MGP: variants seen among roughly 807,000 people sequenced by gnomAD.
MGP encodes the protein cell growth-inhibiting gene 36 protein.
A neutral mutation model predicts 14.5 loss-of-function variants in MGP; 13 were observed. That is an observed-to-expected ratio of 0.89 (90% CI 0.58 to 1.42). MGP has a LOEUF of 1.42. Among genes scored for constraint, MGP ranks in the 40% most tolerant of loss-of-function variants. The probability of loss-of-function intolerance (pLI) is 0.00; values close to 1 mark genes in which losing one functional copy is unlikely to be tolerated. For missense variants in MGP, 128 were observed against 133.7 expected, an observed-to-expected ratio of 0.96 and a Z score of 0.21; for synonymous variants, 44 against 46.3, an observed-to-expected ratio of 0.95 and a Z score of 0.20.
intron 1 of MGP, chr12:14,884,953 C>T (rs1863423368): frequency 4.2e-6 from 6 of 1,413,574 alleles, no homozygotes; most frequent in South Asian, 1.3e-5. Flanking sequence ...AGTGAATTTT[C>T]TTCAAAACTT....
intron 1 of MGP, chr12:14,884,696 G>A (rs891817218): frequency 1.3e-5 from 10 of 754,662 alleles, no homozygotes; most frequent in Non-Finnish European, 2.1e-5. Context: ...GAGAACTACA[G>A]GGCAGTTGCT....
chr12:14,883,089 A>G (rs2120433335), intron 2 of MGP, 42 bp from the exon 3 acceptor site: 25 of 1,385,230 alleles, frequency 1.8e-5, no homozygotes, highest in Non-Finnish European at 2.5e-5. Flanking sequence ...AGCGACACAT[A>G]GCTGGAAATA....
chr12:14,882,914 C>A, intron 3 of MGP, 58 bp downstream of exon 3: 2 of 1,132,194 alleles, frequency 1.8e-6, no homozygotes, highest in East Asian at 2.4e-5. Flanking sequence ...CACTCCAATT[C>A]AGATCTGTGA....
At chr12:14,884,314 A>C (rs1227579199) in intron 1 of MGP, 69 bp from the exon 2 acceptor site, 1 of 1,058,932 alleles carries the variant, frequency 9.4e-7, no homozygotes, top group East Asian at 2.7e-5. Context: ...TTATTTATCA[A>C]TTTAGACACT....
intron 1 of MGP, 29 bp from the exon 2 acceptor site, chr12:14,884,274 A>G (rs1863415102): frequency 4.0e-6 from 5 of 1,263,766 alleles, no homozygotes; most frequent in Admixed American, 2.0e-5. Flanking sequence ...GATTCATTAT[A>G]TCAATATTTA....
rs753872743 is a variant in MGP at position 14,883,997 on chromosome 12, G to A, written c.94+216C>T. On this transcript the variant is annotated intron_variant, in intron 2 of 3. Transcript: ENST00000539261. ...AGATTTTATGGCTTCTAAATATGTC[G>A]CCTGTAGCTTAAATCCCATATTGCA... The A allele has an allele frequency of 4.4e-4, 168 of 381,770 alleles. 2 individuals carry two copies. Among genetic ancestry groups the A allele is most frequent in the Middle Eastern group, 7.6e-4 (1 of 1,312 alleles). The allele number at this position is 381,770 out of a possible 1,614,324, so 23.6% of individuals were successfully genotyped here. A position where few individuals can be genotyped will look rare whatever the true frequency, so the allele number is the denominator to read the frequency against.
At chr12:14,884,352 A>T (rs995647243) in intron 1 of MGP, 107 bp from the exon 2 acceptor site, 36 of 731,070 alleles carry the variant, frequency 4.9e-5, no homozygotes, top group Non-Finnish European at 7.3e-5. Context: ...GGGATGGAAG[A>T]AGAGGAAAGA....
At chr12:14,884,401 T>C (rs1434066584) in intron 1 of MGP, among the ~76,000 whole-genome samples, 156 bp from the exon 2 acceptor site, 1 of 152,170 alleles carries the variant, frequency 6.6e-6, no homozygotes, top group Non-Finnish European at 1.5e-5. Flanking sequence ...AGTGTGGTTA[T>C]TAGAAATTTC....
chr12:14,882,946 A>C, intron 3 of MGP, 26 bp downstream of exon 3: 2 of 1,516,006 alleles, frequency 1.3e-6, no homozygotes, highest in Non-Finnish European at 1.8e-6. Context: ...AAAAATGACC[A>C]CTCCTCATGA....
rs1212959135 is a variant in MGP, at chr12:14,881,051, T to TA, written c.*1087dup. The TA allele has an allele frequency of 6.6e-6, 1 of 152,098 alleles. No individual in the cohort carries two copies. The highest frequency in any genetic ancestry group is 1.5e-5 in the Non-Finnish European group (1 of 68,018). 9.4% of individuals were successfully genotyped at this position (152,098 alleles called of 1,614,324 possible). On this transcript the variant is annotated 3_prime_UTR_variant, in exon 4 of 4. Transcript: ENST00000539261. ...AGAATAAAAACAAGCATACAAAACT[T>TA]AAAGAATCCTGCAGACCTGAACTAT...
Position 14,881,994 on chromosome 12 carries a change from G to GA in MGP, c.*144dup. 1 of 1,052,856 alleles carries GA rather than the reference G, an allele frequency of 9.5e-7. No homozygotes were observed. 65.2% of individuals were successfully genotyped at this position (1,052,856 alleles called of 1,614,324 possible). A position where few individuals can be genotyped will look rare whatever the true frequency, so the allele number is the denominator to read the frequency against. ...TCATTACTTATCAATCTGGGGGCGG[G>GA]AAAAAGGGGTGCAGCCAGACAAGAG... is the stretch of plus-strand genomic sequence containing the variant. On this transcript the variant is annotated 3_prime_UTR_variant, in exon 4 of 4. Coordinates refer to ENST00000539261, the MANE Select transcript of MGP (RefSeq NM_000900.5).
chr12:14,885,684 C>G, intron 1 of MGP, 47 bp downstream of exon 1: 1 of 1,496,558 alleles, frequency 6.7e-7, no homozygotes, highest in South Asian at 1.1e-5. Flanking sequence ...AAGCCAAAGT[C>G]AGAGGCAGAA....
rs751656047 is a variant in MGP, at chr12:14,885,798, G to C, written c.-7C>G. 2 of 1,613,326 alleles carry C rather than the reference G, an allele frequency of 1.2e-6. No individual in the cohort carries two copies. Among genetic ancestry groups the C allele is most frequent in the Non-Finnish European group, 1.7e-6 (2 of 1,179,518 alleles). On this transcript the variant is annotated 5_prime_UTR_variant, in exon 1 of 4. Coordinates refer to ENST00000539261, the MANE Select transcript of MGP (RefSeq NM_000900.5). Reference sequence around the variant, plus strand: ...GAAGGATCAGGCTCTTCATGGTTTCGTCCTGCAGGTCAGTCTCAGGGTCTT... The same window carrying C: ...GAAGGATCAGGCTCTTCATGGTTTCCTCCTGCAGGTCAGTCTCAGGGTCTT...
At chr12:14,884,799 A>G (rs1034178815) in intron 1 of MGP, 7 of 1,529,954 alleles carry the variant, frequency 4.6e-6, no homozygotes, top group Non-Finnish European at 6.1e-6. Context: ...CACTAGCTCC[A>G]GCTGACAGCT....
At chr12:14,883,098 T>C in intron 2 of MGP, 51 bp from the exon 3 acceptor site, 1 of 1,333,760 alleles carries the variant, frequency 7.5e-7, no homozygotes, top group Non-Finnish European at 1.1e-6. Flanking sequence ...TAGCTGGAAA[T>C]ATTTCCGTGA....
In MGP at chr12:14,884,209, T is replaced by C; in HGVS notation, c.94+4A>G. Reference sequence around the variant, plus strand: ...TTGAATAAAGAAGTTAAATATTCACTTACTAAGTTCATAAGATTCCATGCT... The same window carrying C: ...TTGAATAAAGAAGTTAAATATTCACCTACTAAGTTCATAAGATTCCATGCT... On this transcript the variant is annotated splice_donor_region_variant and intron_variant, in intron 2 of 3. Coordinates refer to ENST00000539261, the MANE Select transcript of MGP (RefSeq NM_000900.5). 6.8e-7 allele frequency: 1 copy of C among 1,464,868 alleles called. No individual in the cohort carries two copies. Among genetic ancestry groups the C allele is most frequent in the Non-Finnish European group, 9.4e-7 (1 of 1,059,740 alleles). 90.7% of individuals were successfully genotyped at this position (1,464,868 alleles called of 1,614,324 possible). A position where few individuals can be genotyped will look rare whatever the true frequency, so the allele number is the denominator to read the frequency against.
intron 3 of MGP, 81 bp from the exon 4 acceptor site, chr12:14,882,361 G>A: frequency 6.6e-7 from 1 of 1,515,612 alleles, no homozygotes; most frequent in South Asian, 1.2e-5. Context: ...GAAAATATTG[G>A]AGAGACTTTC....
chr12:14,882,376 C>CA, intron 3 of MGP, 96 bp from the exon 4 acceptor site: 6 of 1,415,546 alleles, frequency 4.2e-6, no homozygotes, highest in Non-Finnish European at 6.0e-6. Flanking sequence ...ACTTTCTCTC[C>CA]ATGCCCCCCT....
intron 2 of MGP, chr12:14,883,695 A>C (rs1466071615): frequency 1.2e-5 from 2 of 161,750 alleles, no homozygotes; most frequent in African/African-American, 2.4e-5. Flanking sequence ...GCTACTCAGG[A>C]GGCTGAGGCA....
Sources: allele counts gnomAD v4.1 joint callset (sites outside exome capture counted in the v4.1 genomes callset), GRCh38; gene constraint gnomAD v4.1.1; transcripts MANE v1.5; gene names NCBI Gene and HGNC (gene_info 2026-07-23, HGNC 2026-07-21).